The following PLCZ1 variants were observed in gnomAD, a reference collection of about 807,000 sequenced individuals.
The protein encoded by PLCZ1 is phospholipase C zeta 1, also known as 1-phosphatidylinositol 4,5-bisphosphate phosphodiesterase zeta-1.
PLCZ1 carries 64 observed loss-of-function variants against 76.8 expected under a neutral mutation model. The ratio of observed to expected loss-of-function variants is 0.83; its 90% confidence interval spans 0.68 to 1.03. The LOEUF (loss-of-function observed/expected upper bound fraction) is 1.03. Among genes scored for constraint, PLCZ1 ranks in the 50% least tolerant of loss-of-function variants. The pLI, the probability that PLCZ1 is intolerant of heterozygous loss-of-function variation, is 0.00. For missense variants in PLCZ1, 751 were observed against 713.7 expected, an observed-to-expected ratio of 1.05 and a Z score of -0.60; for synonymous variants, 248 against 230.8, an observed-to-expected ratio of 1.07 and a Z score of -0.68.
the PLCZ1 span, among the ~76,000 whole-genome samples, chr12:18,677,321 A>G: frequency 6.6e-6 from 1 of 152,166 alleles, no homozygotes; most frequent in Middle Eastern, 3.2e-3. Flanking sequence ...GGCACACGAC[A>G]TAGGCTGAAT....
chr12:18,708,741 A>G (rs921599477), intron 6 of PLCZ1, among the ~76,000 whole-genome samples: 1 of 152,032 alleles, frequency 6.6e-6, no homozygotes, highest in Non-Finnish European at 1.5e-5. Flanking sequence ...AGTGGTTTTG[A>G]TTTGCATTTC....
intron 3 of PLCZ1, among the ~76,000 whole-genome samples, chr12:18,734,779 CT>C (rs1482198616): frequency 6.6e-6 from 1 of 152,152 alleles, no homozygotes; most frequent in African/African-American, 2.4e-5. Flanking sequence ...TGACTAATTG[CT>C]TTGGCTAGGA....
intron 9 of PLCZ1, 80 bp from the exon 10 acceptor site, chr12:18,700,030 T>G (rs1955671813): frequency 8.8e-7 from 1 of 1,140,014 alleles, no homozygotes; most frequent in African/African-American, 1.6e-5. Flanking sequence ...GAAAATACAC[T>G]TTCAAACAAA....
At chr12:18,662,602 A>ATTTTG in the PLCZ1 span, among the ~76,000 whole-genome samples, 3 of 152,134 alleles carry the variant, frequency 2.0e-5, no homozygotes, top group Non-Finnish European at 4.4e-5. Flanking sequence ...GCAGCTATAC[A>ATTTTG]TTTTGTTTTC....
chr12:18,688,622 A>G (rs928230574), intron 12 of PLCZ1, among the ~76,000 whole-genome samples: 1 of 151,932 alleles, frequency 6.6e-6, no homozygotes, highest in African/African-American at 2.4e-5. Context: ...AAAATGTACC[A>G]TTTAACTCCC....
At chr12:18,680,134 G>A (rs541672714), downstream of PLCZ1, among the ~76,000 whole-genome samples, 3 of 151,962 alleles carry the variant, frequency 2.0e-5, no homozygotes, top group Non-Finnish European at 4.4e-5. Flanking sequence ...GAGAAGAAAG[G>A]GATATTAAGA....
In PLCZ1 at chr12:18,699,913, A is replaced by G. The variant is rs773598471; in HGVS notation, c.1055T>C (p.Leu352Pro). The G allele has an allele frequency of 1.6e-5, 25 of 1,612,104 alleles. No individual in the cohort carries two copies. In the Admixed American group the frequency reaches 4.0e-4, roughly 26 times the overall value. The part of the protein sequence containing the change: ...KLKIALALSD[L>P]VIYTKAEKFK... ...TTTCTCAGCTTTCGTATAAATGACA[A>G]GATCAGATAAGGCCAGAGCAATTTT... The change falls in exon 10 of 15, where the codon CTT becomes CCT. Residue 352 changes from leucine (L) to proline (P), a missense_variant. Transcript: ENST00000266505.
the PLCZ1 span, among the ~76,000 whole-genome samples, chr12:18,673,507 C>A: frequency 6.6e-6 from 1 of 152,114 alleles, no homozygotes; most frequent in African/African-American, 2.4e-5. Flanking sequence ...ACGAACAAGG[C>A]TAGAGAAGCC....
intron 9 of PLCZ1, 104 bp downstream of exon 9, chr12:18,701,397 T>C: frequency 1.9e-6 from 3 of 1,567,610 alleles, no homozygotes; most frequent in Non-Finnish European, 2.6e-6. Context: ...AGAGTTTTTA[T>C]AAGAAGGAAA....
At chr12:18,650,342 T>C in the PLCZ1 span, among the ~76,000 whole-genome samples, 5 of 134,610 alleles carry the variant, frequency 3.7e-5, no homozygotes, top group African/African-American at 1.2e-4. Context: ...TATATATATA[T>C]ATATATGTGT....
intron 3 of PLCZ1, among the ~76,000 whole-genome samples, chr12:18,726,343 T>C (rs1175645970): frequency 6.6e-6 from 1 of 152,180 alleles, no homozygotes; most frequent in Non-Finnish European, 1.5e-5. Context: ...AAACGTTCCT[T>C]AAGTGGTTAT....
chr12:18,732,933 T>A (rs561593384), intron 3 of PLCZ1, among the ~76,000 whole-genome samples: 10 of 152,252 alleles, frequency 6.6e-5, no homozygotes, highest in African/African-American at 2.4e-4. Context: ...TATACAGGAG[T>A]ACAAATATCT....
At chr12:18,657,834 G>A in the PLCZ1 span, among the ~76,000 whole-genome samples, 2 of 152,074 alleles carry the variant, frequency 1.3e-5, no homozygotes, top group South Asian at 4.1e-4. Context: ...AAAAAGGAAA[G>A]TAATAGAAAT....
chr12:18,664,603 A>G, the PLCZ1 span, among the ~76,000 whole-genome samples: 1 of 152,148 alleles, frequency 6.6e-6, no homozygotes, highest in Non-Finnish European at 1.5e-5. Context: ...AGTGGTTGCC[A>G]GGTCAGGGAT....
chr12:18,713,014 T>C, intron 5 of PLCZ1, 28 bp from the exon 6 acceptor site: 2 of 1,613,214 alleles, frequency 1.2e-6, no homozygotes, highest in Non-Finnish European at 1.7e-6. Context: ...AAATAAAATG[T>C]TACTCCTGGA....
At chr12:18,649,547 C>T in the PLCZ1 span, among the ~76,000 whole-genome samples, 1 of 152,070 alleles carries the variant, frequency 6.6e-6, no homozygotes, top group Non-Finnish European at 1.5e-5. Context: ...AATTGCTGAC[C>T]CACTACCCTG....
chr12:18,703,584 A>T (rs1592136016), intron 7 of PLCZ1, among the ~76,000 whole-genome samples: 1 of 152,192 alleles, frequency 6.6e-6, no homozygotes, highest in African/African-American at 2.4e-5. Context: ...CCTTGTGATT[A>T]CCTCTTTACA....
At position 18,737,421 on chromosome 12, in the gene PLCZ1, A is replaced by C; in HGVS notation, c.-50T>G. On this transcript the variant is annotated 5_prime_UTR_variant, in exon 2 of 15. Transcript: ENST00000266505. ...TCTCCTCACTTAGAAGTCTTTCCCC[A>C]GTAGGTGCTGTCATGGGTTCCAAAT... The C allele has an allele frequency of 6.2e-7, 1 of 1,612,904 alleles. No homozygotes were observed. The highest frequency in any genetic ancestry group is 1.3e-5 in the African/African-American group (1 of 75,036).
chr12:18,682,029 A>C (rs771927821), downstream of PLCZ1, among the ~76,000 whole-genome samples: 1 of 152,024 alleles, frequency 6.6e-6, no homozygotes, highest in African/African-American at 2.4e-5. Context: ...TCCATTCATT[A>C]TCTGGCAAAA....
Sources: allele counts gnomAD v4.1 joint callset (sites outside exome capture counted in the v4.1 genomes callset), GRCh38; gene constraint gnomAD v4.1.1; transcripts MANE v1.5; gene names NCBI Gene and HGNC (gene_info 2026-07-23, HGNC 2026-07-21).